SLC38A1: variants seen among roughly 807,000 people sequenced by gnomAD.
SLC38A1 encodes the protein solute carrier family 38 member 1.
Under a neutral mutation model 60.3 loss-of-function variants are expected in SLC38A1, and 18 were observed. The ratio of observed to expected loss-of-function variants is 0.30; its 90% CI spans 0.21 to 0.44. SLC38A1 has a LOEUF of 0.44. Ranked by LOEUF, SLC38A1 falls within the 20% of genes least tolerant of loss-of-function variation. The pLI, the probability that SLC38A1 is intolerant of heterozygous loss-of-function variation, is 1.00. For missense variants in SLC38A1, 448 were observed against 587.2 expected, an observed-to-expected ratio of 0.76 and a Z score of 2.45; for synonymous variants, 196 against 212.1, an observed-to-expected ratio of 0.92 and a Z score of 0.66.
chr12:46,261,658 A>T lies in SLC38A1; in HGVS notation c.-209+6868T>A, dbSNP rs188522720. 5.3e-5 allele frequency among the ~76,000 whole-genome samples: 8 copies of T among 152,306 alleles called. 1 individual carries two copies. The highest frequency in any genetic ancestry group is 1.2e-4 in the Non-Finnish European group (8 of 68,026). On this transcript the variant is annotated intron_variant, in intron 1 of 16. Coordinates refer to ENST00000398637, the MANE Select transcript of SLC38A1 (RefSeq NM_030674.4). ...TACCACCTGATCTCCTTTACATTTGATCTGGGCGTGTGGGATTTATGTAAA... is the reference window on the plus strand; with the variant it reads ...TACCACCTGATCTCCTTTACATTTGTTCTGGGCGTGTGGGATTTATGTAAA...
chr12:46,219,049 C>T (rs1180281507), intron 5 of SLC38A1, among the ~76,000 whole-genome samples: 1 of 152,140 alleles, frequency 6.6e-6, no homozygotes, highest in Non-Finnish European at 1.5e-5. Context: ...GCTGCATGAC[C>T]CCTAAACTGT....
At chr12:46,252,778 A>G (rs897980524) in intron 1 of SLC38A1, among the ~76,000 whole-genome samples, 28 of 152,000 alleles carry the variant, frequency 1.8e-4, no homozygotes, top group African/African-American at 6.3e-4. Context: ...ATTATTCACA[A>G]TAGCCAAGAT....
At chr12:46,199,307 T>TTGTGTGTG (rs71067986) in intron 13 of SLC38A1, among the ~76,000 whole-genome samples, 2 of 125,282 alleles carry the variant, frequency 1.6e-5, no homozygotes, top group Admixed American at 1.6e-4. Context: ...ATGTACTACT[T>TTGTGTGTG]TGTGTGTGTG....
chr12:46,233,372 G>C (rs1447043110), intron 3 of SLC38A1, among the ~76,000 whole-genome samples: 2 of 152,150 alleles, frequency 1.3e-5, no homozygotes, highest in Non-Finnish European at 2.9e-5. Flanking sequence ...AGTCTATCCA[G>C]CAGTTTTCCT....
chr12:46,229,732 T>C (rs1011081020), intron 3 of SLC38A1, 93 bp from the exon 4 acceptor site: 24 of 1,097,526 alleles, frequency 2.2e-5, no homozygotes, highest in Non-Finnish European at 3.0e-5. Context: ...AAAACATACA[T>C]GAACAGTTAC....
At chr12:46,244,033 C>CTTTT (rs562698501) in intron 1 of SLC38A1, among the ~76,000 whole-genome samples, 164 of 152,300 alleles carry the variant, frequency 1.1e-3, no homozygotes, top group African/African-American at 3.7e-3. Context: ...ACCAACCCAT[C>CTTTT]TAAAATGACA....
At chr12:46,231,898 G>A (rs1296208883) in intron 3 of SLC38A1, among the ~76,000 whole-genome samples, 7 of 152,184 alleles carry the variant, frequency 4.6e-5, no homozygotes, top group Non-Finnish European at 8.8e-5. Flanking sequence ...TTACAGGCAT[G>A]AGCCACCGCA....
In SLC38A1 at chr12:46,206,072, G is replaced by A. The variant is rs369873326; in HGVS notation, c.646+8C>T. On this transcript the variant is annotated splice_region_variant and intron_variant, in intron 9 of 16. Coordinates refer to ENST00000398637, the MANE Select transcript of SLC38A1 (RefSeq NM_030674.4). ...GCAGAATATGATAAAAGCAAAATCTGTCCTTACCTAAGTTCTTCAAGAGAC... is the reference window on the plus strand; with the variant it reads ...GCAGAATATGATAAAAGCAAAATCTATCCTTACCTAAGTTCTTCAAGAGAC... The A allele has an allele frequency of 1.4e-5, 23 of 1,595,736 alleles. No individual in the cohort carries two copies. The African/African-American group carries it at 3.0e-4, about 21-fold the overall frequency.
At position 46,243,230 on chromosome 12, in the gene SLC38A1, C is replaced by CTA. The variant is rs974457086; in HGVS notation, c.-126_-125dup. On this transcript the variant is annotated 5_prime_UTR_variant, in exon 2 of 17. The change abolishes the stop of an existing upstream ORF in the 5' untranslated region. Coordinates refer to ENST00000398637, the MANE Select transcript of SLC38A1 (RefSeq NM_030674.4). ...AGCTCAGCAAGCAGAGACGATCACT[C>CTA]TATATATATTGTTGTATGGCCTTCC... 1 of 151,886 alleles carries CTA rather than the reference C, an allele frequency of 6.6e-6. No homozygotes were observed. The highest frequency in any genetic ancestry group is 1.5e-5 in the Non-Finnish European group (1 of 67,984). The allele number at this position is 151,886 out of a possible 1,614,324, so 9.4% of individuals were successfully genotyped here. A position where few individuals can be genotyped will look rare whatever the true frequency, so the allele number is the denominator to read the frequency against.
chr12:46,259,724 T>C (rs1252170364), intron 1 of SLC38A1, among the ~76,000 whole-genome samples: 3 of 152,190 alleles, frequency 2.0e-5, no homozygotes, highest in Non-Finnish European at 4.4e-5. Flanking sequence ...CCAAGACTAA[T>C]GGTTTAACCT....
intron 1 of SLC38A1, among the ~76,000 whole-genome samples, chr12:46,263,811 G>C (rs921261627): frequency 6.6e-6 from 1 of 152,214 alleles, no homozygotes; most frequent in Admixed American, 6.5e-5. Flanking sequence ...TGTAACCTGA[G>C]GCTGTGGCTC....
chr12:46,221,043 C>A (rs540414387), intron 5 of SLC38A1, among the ~76,000 whole-genome samples: 2 of 152,258 alleles, frequency 1.3e-5, no homozygotes, highest in East Asian at 3.9e-4. Context: ...GTAGTCTGAT[C>A]TCAGTTTACA....
rs200881452 is a variant in SLC38A1 at position 46,198,008 on chromosome 12, C to T, written c.1175G>A (p.Arg392His). 2.7e-3 allele frequency: 4,426 copies of T among 1,613,798 alleles called. 8 individuals carry two copies. The highest frequency in any genetic ancestry group is 3.5e-3 in the Non-Finnish European group (4,135 of 1,179,870). ...GAGTATGCAGGTAACCACGGTATGA[C>T]GACATAAATTAAACTTTGTTTTCTT... is the stretch of plus-strand genomic sequence containing the variant. ...LAKKTKFNLC[R>H]HTVVTCILLV... The change falls in exon 15 of 17, where the codon CGT (arginine) becomes CAT (histidine). Residue 392 changes from arginine (R) to histidine (H), a missense_variant. Arg to His is a conservative substitution (Grantham distance 29). This residue lies in a region of SLC38A1 where 346 missense variants were observed against 497.5 expected (regional missense o/e 0.70). Transcript: ENST00000398637.
At position 46,206,208 on chromosome 12, in the gene SLC38A1, C is replaced by T. The variant is rs550918064; in HGVS notation, c.564-46G>A. 4.7e-5 allele frequency: 53 copies of T among 1,127,124 alleles called. 2 individuals are homozygous for T. In the South Asian group the frequency reaches 7.7e-4, roughly 16 times the overall value. 69.8% of individuals were successfully genotyped at this position (1,127,124 alleles called of 1,614,324 possible). ...TAGGTTATATTTTTTTAGAAAGTGA[C>T]TTTTTTCCCCTCCAATGTAAAATTT... On this transcript the variant is annotated intron_variant, in intron 8 of 16. Transcript: ENST00000398637.
At chr12:46,259,981 C>T (rs1230166821) in intron 1 of SLC38A1, among the ~76,000 whole-genome samples, 1 of 152,112 alleles carries the variant, frequency 6.6e-6, no homozygotes, top group African/African-American at 2.4e-5. Context: ...GCTGTGTAGC[C>T]CCAGGAAAGA....
In SLC38A1 at chr12:46,196,281, G is replaced by C. The variant is rs763171389; in HGVS notation, c.1362+1439C>G. Reference sequence around the variant, plus strand: ...AAACTGGAGGAAGAGAAAGAGCTAAGGAAGGAGAGGAGCAAATTGGGGGTT... The same window carrying C: ...AAACTGGAGGAAGAGAAAGAGCTAACGAAGGAGAGGAGCAAATTGGGGGTT... On this transcript the variant is annotated intron_variant, in intron 16 of 16. Transcript: ENST00000398637. 2.0e-6 allele frequency: 3 copies of C among 1,535,780 alleles called. No individual in the cohort carries two copies. The South Asian group carries it at 3.6e-5, about 18-fold the overall frequency.
At chr12:46,207,948 G>A (rs1336565598) in intron 6 of SLC38A1, among the ~76,000 whole-genome samples, 1 of 151,970 alleles carries the variant, frequency 6.6e-6, no homozygotes, top group African/African-American at 2.4e-5. Context: ...TTTTTCTTCA[G>A]GTCTGGTGTA....
chr12:46,221,779 C>T (rs1258295831), intron 5 of SLC38A1, among the ~76,000 whole-genome samples: 1 of 152,128 alleles, frequency 6.6e-6, no homozygotes, highest in Non-Finnish European at 1.5e-5. Context: ...AAAATGTATG[C>T]TTAAATAATG....
intron 5 of SLC38A1, among the ~76,000 whole-genome samples, chr12:46,217,199 G>T (rs1263012970): frequency 1.3e-5 from 2 of 152,090 alleles, no homozygotes; most frequent in Non-Finnish European, 2.9e-5. Flanking sequence ...GGTAAATAAG[G>T]TAACAAGGAG....
Sources: gnomAD v4.1 joint callset for allele counts (sites outside exome capture counted in the v4.1 genomes callset) on GRCh38, gnomAD v4.1.1 for gene constraint, gnomAD v4.1.1 regional missense constraint, MANE v1.5 for transcripts, NCBI Gene and HGNC (gene_info 2026-07-23, HGNC 2026-07-21) for gene names.